PCM1: variants seen among roughly 807,000 people sequenced by gnomAD.
The protein encoded by PCM1 is pericentriolar material 1 protein.
A neutral mutation model predicts 241.9 loss-of-function variants in PCM1; 157 were observed. The observed-to-expected ratio is 0.65, with a 90% CI of 0.57 to 0.74. The LOEUF (loss-of-function observed/expected upper bound fraction) is 0.74, where lower values mean the gene tolerates loss of function less well. PCM1 is among the 30% of genes least tolerant of loss of function. The pLI is 0.00. For missense variants in PCM1, 3,478 were observed against 2,360.1 expected (o/e 1.47, Z -9.81); for synonymous variants, 1,085 against 784.9 (o/e 1.38, Z -6.39).
At chr8:17,930,021 A>C (rs1468607282) in intron 2 of PCM1, among the ~76,000 whole-genome samples, 1 of 151,526 alleles carries the variant, frequency 6.6e-6, no homozygotes, top group Non-Finnish European at 1.5e-5. Flanking sequence ...ATAGTCACCA[A>C]CTCCTATTGA....
chr8:17,979,137 A>G (rs976018696), intron 23 of PCM1, among the ~76,000 whole-genome samples: 1 of 151,924 alleles, frequency 6.6e-6, no homozygotes, highest in Non-Finnish European at 1.5e-5. Flanking sequence ...AGAAAAGAAA[A>G]AAAAAAAAAA....
chr8:18,006,267 A>G lies in PCM1; in HGVS notation c.4832A>G (p.His1611Arg), dbSNP rs753987074. The change falls in exon 30 of 39, where the codon CAC becomes CGC. Residue 1611 changes from histidine (H) to arginine (R), a missense_variant. Coordinates refer to ENST00000325083, the MANE Select transcript of PCM1 (RefSeq NM_006197.4). ...MKEVIPFLKEHMDEVCSSQLL... is the reference protein window; with the variant it reads ...MKEVIPFLKERMDEVCSSQLL... ...ACCAACTAGGATTTTTCTCAGGAGC[A>G]CATGGATGAAGTATGCTCCTCGCAG... The G allele has an allele frequency of 7.5e-6, 12 of 1,605,402 alleles. No homozygotes were observed. Among genetic ancestry groups the G allele is most frequent in the Admixed American group, 3.4e-5 (2 of 58,416 alleles).
intron 30 of PCM1, among the ~76,000 whole-genome samples, chr8:18,008,118 C>A (rs1369088907): frequency 6.6e-6 from 1 of 152,048 alleles, no homozygotes; most frequent in African/African-American, 2.4e-5. Context: ...ATCAGGGGTC[C>A]CCAACCCCCA....
intron 26 of PCM1, among the ~76,000 whole-genome samples, chr8:17,989,557 T>C (rs1373079863): frequency 6.6e-6 from 1 of 152,080 alleles, no homozygotes; most frequent in Non-Finnish European, 1.5e-5. Flanking sequence ...CCTGAGAGTA[T>C]AGAAATAATG....
chr8:17,944,036 T>C (rs1205746720), intron 6 of PCM1, among the ~76,000 whole-genome samples: 1 of 152,196 alleles, frequency 6.6e-6, no homozygotes, highest in African/African-American at 2.4e-5. Flanking sequence ...AAGAAAGCCT[T>C]CTACGAGTAG....
At chr8:17,965,039 A>C (rs909972590) in intron 18 of PCM1, among the ~76,000 whole-genome samples, 2 of 152,194 alleles carry the variant, frequency 1.3e-5, no homozygotes, top group African/African-American at 4.8e-5. Context: ...GAGTTCTTAC[A>C]ATCCCCTTCA....
intron 10 of PCM1, 57 bp downstream of exon 10, chr8:17,955,710 T>G (rs2068020010): frequency 3.1e-6 from 4 of 1,299,162 alleles, no homozygotes; most frequent in Non-Finnish European, 4.4e-6. Flanking sequence ...TAAATTCTGT[T>G]TTTTTTTTTA....
intron 31 of PCM1, among the ~76,000 whole-genome samples, chr8:18,010,341 CTTCT>C (rs1564361938): frequency 2.0e-5 from 3 of 152,176 alleles, no homozygotes; most frequent in Non-Finnish European, 2.9e-5. Flanking sequence ...AGAGATGGCT[CTTCT>C]TTCTTAGAAT....
At chr8:17,952,224 AAAATAAAT>A (rs148620624) in intron 8 of PCM1, among the ~76,000 whole-genome samples, 77 of 147,084 alleles carry the variant, frequency 5.2e-4, no homozygotes, top group African/African-American at 1.4e-3. Flanking sequence ...CTTTGTCTCA[AAAATAAAT>A]AAATAAATAA....
rs1398957058 is a variant in PCM1, at chr8:18,027,653, G to C, written c.6066G>C (p.Gln2022His). 3.2e-6 allele frequency: 5 copies of C among 1,583,036 alleles called. No individual in the cohort carries two copies. Among genetic ancestry groups the C allele is most frequent in the Non-Finnish European group, 4.3e-6 (5 of 1,158,642 alleles). Reference sequence around the variant, plus strand: ...GTTTTTCAGAAACGGTGGGAGCCCAGAGTATATGAGATGTCTTCAGAGGCT... The same window carrying C: ...GTTTTTCAGAAACGGTGGGAGCCCACAGTATATGAGATGTCTTCAGAGGCT... ...TLKEPETVGA[Q>H]SI is the part of the protein sequence containing the mutation. Residue 2022 changes from glutamine (Q) to histidine (H), a missense_variant, in exon 39 of 39, where the codon CAG (glutamine) becomes CAC (histidine). Transcript: ENST00000325083.
intron 24 of PCM1, among the ~76,000 whole-genome samples, chr8:17,984,832 G>C (rs2082087540): frequency 6.6e-6 from 1 of 151,864 alleles, no homozygotes; most frequent in African/African-American, 2.4e-5. Context: ...TGGATCACTT[G>C]CCTGCTCCAA....
At chr8:17,946,250 C>T (rs1468031174) in intron 6 of PCM1, among the ~76,000 whole-genome samples, 1 of 152,078 alleles carries the variant, frequency 6.6e-6, no homozygotes, top group East Asian at 1.9e-4. Context: ...CATTTTATGT[C>T]ATCAGACTCA....
intron 22 of PCM1, among the ~76,000 whole-genome samples, chr8:17,972,118 T>C (rs190986259): frequency 6.6e-6 from 1 of 152,312 alleles, no homozygotes; most frequent in African/African-American, 2.4e-5. Flanking sequence ...GTAAAAGTGG[T>C]TTAGTGAGAT....
At chr8:18,014,078 T>TTTA (rs2092851648) in intron 35 of PCM1, 42 bp downstream of exon 35, 1 of 1,110,932 alleles carries the variant, frequency 9.0e-7, no homozygotes, top group African/African-American at 1.7e-5. Flanking sequence ...GATAATTTCC[T>TTTA]TTATTTGCTT....
At chr8:17,948,170 A>G (rs2064538509) in intron 7 of PCM1, among the ~76,000 whole-genome samples, 1 of 151,886 alleles carries the variant, frequency 6.6e-6, no homozygotes, top group Non-Finnish European at 1.5e-5. Flanking sequence ...CACTGAGGCT[A>G]CCCTGTTGTG....
intron 9 of PCM1, among the ~76,000 whole-genome samples, chr8:17,954,479 C>G (rs537916672): frequency 2.2e-4 from 33 of 151,654 alleles, no homozygotes; most frequent in African/African-American, 7.2e-4. Context: ...GAAAGTTGCG[C>G]TTAAGTCCTT....
chr8:17,965,163 TG>T (rs2074351597), intron 18 of PCM1, among the ~76,000 whole-genome samples: 1 of 152,188 alleles, frequency 6.6e-6, no homozygotes, highest in African/African-American at 2.4e-5. Flanking sequence ...GGACAGTGTG[TG>T]GGTTGGGGAG....
chr8:17,929,783 T>C (rs2058378745), intron 2 of PCM1, among the ~76,000 whole-genome samples: 1 of 152,178 alleles, frequency 6.6e-6, no homozygotes, highest in Non-Finnish European at 1.5e-5. Flanking sequence ...GTATGTTATT[T>C]CCTGTATGTA....
chr8:17,962,876 C>T, intron 16 of PCM1: 1 of 391,040 alleles, frequency 2.6e-6, no homozygotes, highest in Non-Finnish European at 4.6e-6. Flanking sequence ...GCACTCCAGC[C>T]CAGATGACAG....
Sources: gnomAD v4.1 joint callset for allele counts (sites outside exome capture counted in the v4.1 genomes callset) on GRCh38, gnomAD v4.1.1 for gene constraint, MANE v1.5 for transcripts, NCBI Gene and HGNC (gene_info 2026-07-23, HGNC 2026-07-21) for gene names.